Variants in ANKS1B observed in about 807,000 individuals in gnomAD.
The protein encoded by ANKS1B is ankyrin repeat and sterile alpha motif domain-containing protein 1B.
Under a neutral mutation model 148.3 loss-of-function variants are expected in ANKS1B, and 36 were observed. The ratio of observed to expected loss-of-function variants is 0.24; its 90% CI spans 0.19 to 0.32. ANKS1B has a LOEUF of 0.32. Ranked by LOEUF, ANKS1B falls within the 10% of genes least tolerant of loss-of-function variation. The pLI is 1.00. For synonymous variants in ANKS1B, 542 were observed against 560.8 expected (o/e 0.97, Z 0.47); for missense variants, 1,157 against 1,542.6 (o/e 0.75, Z 4.19).
At chr12:99,275,972 G>A (rs375136562) in intron 12 of ANKS1B, among the ~76,000 whole-genome samples, 1 of 152,258 alleles carries the variant, frequency 6.6e-6, no homozygotes. Flanking sequence ...AAATTAAAAT[G>A]AACTTGATGA....
At chr12:99,683,308 T>G (rs2098631895) in intron 8 of ANKS1B, among the ~76,000 whole-genome samples, 1 of 151,988 alleles carries the variant, frequency 6.6e-6, no homozygotes, top group African/African-American at 2.4e-5. Context: ...TTACAATAGA[T>G]ATCACAGAAA....
chr12:99,967,168 ATTAT>A (rs988256325), intron 1 of ANKS1B, among the ~76,000 whole-genome samples: 60 of 152,282 alleles, frequency 3.9e-4, no homozygotes, highest in African/African-American at 1.2e-3. Context: ...GAATATCTAA[ATTAT>A]TTATTGCATA....
chr12:99,402,800 A>G (rs1433330312), intron 11 of ANKS1B, among the ~76,000 whole-genome samples: 2 of 146,046 alleles, frequency 1.4e-5, no homozygotes, highest in African/African-American at 2.6e-5. Context: ...GTGTCTTTGT[A>G]ATAGAATGAT....
chr12:99,928,355 T>C (rs1385257551), intron 1 of ANKS1B, among the ~76,000 whole-genome samples: 1 of 150,320 alleles, frequency 6.7e-6, no homozygotes, highest in Non-Finnish European at 1.5e-5. Context: ...CTCGGCTCAC[T>C]GCAAGCTCCG....
intron 11 of ANKS1B, among the ~76,000 whole-genome samples, chr12:99,415,964 T>C (rs1182658153): frequency 1.3e-5 from 2 of 152,008 alleles, no homozygotes; most frequent in Non-Finnish European, 2.9e-5. Flanking sequence ...ATTACAGGCG[T>C]GAACCACCGC....
At chr12:99,384,520 T>C (rs2093777976) in intron 12 of ANKS1B, among the ~76,000 whole-genome samples, 1 of 151,590 alleles carries the variant, frequency 6.6e-6, no homozygotes, top group South Asian at 2.1e-4. Flanking sequence ...AAGATCATTT[T>C]TCATAGTAAG....
At chr12:99,112,099 T>A (rs1463690579) in intron 15 of ANKS1B, among the ~76,000 whole-genome samples, 1 of 152,118 alleles carries the variant, frequency 6.6e-6, no homozygotes, top group Admixed American at 6.6e-5. Flanking sequence ...GATATAATCA[T>A]CCCCATTTTA....
At chr12:99,060,202 T>A (rs1318181270) in intron 16 of ANKS1B, among the ~76,000 whole-genome samples, 1 of 152,184 alleles carries the variant, frequency 6.6e-6, no homozygotes. Context: ...TTAACATATT[T>A]TTTTTTTGCC....
intron 17 of ANKS1B, among the ~76,000 whole-genome samples, chr12:99,046,196 C>T (rs893040307): frequency 1.3e-5 from 2 of 151,974 alleles, no homozygotes; most frequent in African/African-American, 4.8e-5. Context: ...ACCTTAAAAG[C>T]AAGACCTGAA....
chr12:99,602,700 AT>A (rs757366430), intron 9 of ANKS1B, among the ~76,000 whole-genome samples: 7 of 152,090 alleles, frequency 4.6e-5, no homozygotes, highest in African/African-American at 4.8e-5. Context: ...GCTTTGGCTA[AT>A]TTTAGGGCTT....
chr12:99,203,961 G>A (rs148532176), intron 14 of ANKS1B, among the ~76,000 whole-genome samples: 13 of 152,316 alleles, frequency 8.5e-5, no homozygotes, highest in African/African-American at 2.9e-4. Context: ...ACTGGAACAG[G>A]AGAAGTGTAT....
At chr12:99,196,230 T>G (rs182848834) in intron 14 of ANKS1B, among the ~76,000 whole-genome samples, 84 of 152,344 alleles carry the variant, frequency 5.5e-4, no homozygotes, top group Non-Finnish European at 1.0e-3. Context: ...TCAAAGTACC[T>G]ACTGTAGTCT....
intron 9 of ANKS1B, among the ~76,000 whole-genome samples, chr12:99,515,701 T>C (rs191662781): frequency 5.3e-5 from 8 of 152,160 alleles, no homozygotes; most frequent in East Asian, 1.9e-4. Flanking sequence ...TAACCAGCAA[T>C]GGGATTGCTG....
At chr12:99,309,470 A>T (rs1426345017) in intron 12 of ANKS1B, among the ~76,000 whole-genome samples, 1 of 151,934 alleles carries the variant, frequency 6.6e-6, no homozygotes, top group African/African-American at 2.4e-5. Flanking sequence ...TATCAGCTGA[A>T]AGTCATGCTT....
chr12:99,775,686 A>G (rs373114945), intron 6 of ANKS1B, 25 bp from the exon 7 acceptor site: 35 of 1,277,162 alleles, frequency 2.7e-5, no homozygotes, highest in Non-Finnish European at 3.6e-5. Flanking sequence ...TTTTGAGATT[A>G]CATACTTGAA....
chr12:98,835,537 T>C (rs1486968066), intron 17 of ANKS1B, among the ~76,000 whole-genome samples: 1 of 152,192 alleles, frequency 6.6e-6, no homozygotes, highest in Non-Finnish European at 1.5e-5. Flanking sequence ...TGAAGTAACT[T>C]ATCCTAGTAG....
chr12:99,536,800 TAA>T (rs961445184), intron 9 of ANKS1B, among the ~76,000 whole-genome samples: 55 of 152,268 alleles, frequency 3.6e-4, no homozygotes, highest in African/African-American at 1.3e-3. Flanking sequence ...AATGTAGAGT[TAA>T]GTTATAATTT....
intron 17 of ANKS1B, among the ~76,000 whole-genome samples, chr12:98,955,580 G>A (rs939381063): frequency 6.0e-4 from 91 of 152,180 alleles, no homozygotes; most frequent in African/African-American, 7.2e-4. Flanking sequence ...GGAGGCAGCC[G>A]TGGAAGAGGT....
chr12:99,354,838 G>A (rs2091820419), intron 12 of ANKS1B, among the ~76,000 whole-genome samples: 1 of 152,040 alleles, frequency 6.6e-6, no homozygotes, highest in South Asian at 2.1e-4. Flanking sequence ...TAAGAGATAA[G>A]TATATGACTC....
Sources: allele counts gnomAD v4.1 joint callset (sites outside exome capture counted in the v4.1 genomes callset), GRCh38; gene constraint gnomAD v4.1.1; transcripts MANE v1.5; gene names NCBI Gene and HGNC (gene_info 2026-07-23, HGNC 2026-07-21).